NAV2: variants seen among roughly 807,000 people sequenced by gnomAD.
NAV2 encodes the protein neuron navigator 2, also known as helicase, APC down-regulated 1.
In NAV2, 54 loss-of-function variants were observed where a neutral mutation model predicts 223.2. The observed-to-expected ratio is 0.24, with a 90% CI of 0.19 to 0.30. The LOEUF is 0.30. Ranked by LOEUF, NAV2 falls within the 10% of genes least tolerant of loss-of-function variation. The pLI is 1.00. For synonymous variants in NAV2, 1,279 were observed against 1,239.3 expected (o/e 1.03, Z -0.67); for missense variants, 2,806 against 3,147.5 (o/e 0.89, Z 2.60).
At chr11:19,446,737 TG>T (rs1329980416) in intron 1 of NAV2, among the ~76,000 whole-genome samples, 2 of 152,144 alleles carry the variant, frequency 1.3e-5, no homozygotes, top group Non-Finnish European at 2.9e-5. Context: ...ACCTCAAATG[TG>T]GGAGCCAGAG....
intron 1 of NAV2, among the ~76,000 whole-genome samples, chr11:19,654,840 T>C (rs751407761): frequency 2.0e-5 from 3 of 152,214 alleles, no homozygotes; most frequent in Non-Finnish European, 4.4e-5. Context: ...GGCAAGGACT[T>C]CATCTCTAAA....
At chr11:19,706,827 T>G (rs1242276046) in intron 1 of NAV2, among the ~76,000 whole-genome samples, 1 of 152,218 alleles carries the variant, frequency 6.6e-6, no homozygotes, top group East Asian at 1.9e-4. Flanking sequence ...TTTAGTCTTT[T>G]TTGTTGTTGT....
chr11:19,718,303 A>G (rs577543347), intron 1 of NAV2, among the ~76,000 whole-genome samples: 5 of 152,362 alleles, frequency 3.3e-5, no homozygotes, highest in Admixed American at 1.3e-4. Flanking sequence ...TTGAGGAGAC[A>G]TTAGCCTATT....
chr11:19,401,550 A>G (rs1003308167), intron 1 of NAV2, among the ~76,000 whole-genome samples: 16 of 152,212 alleles, frequency 1.1e-4, no homozygotes, highest in African/African-American at 3.9e-4. Context: ...ATATGTCTGG[A>G]TCTTCAATGT....
At chr11:20,115,240 A>C (rs1455050479) in intron 37 of NAV2, among the ~76,000 whole-genome samples, 1 of 152,142 alleles carries the variant, frequency 6.6e-6, no homozygotes, top group Non-Finnish European at 1.5e-5. Flanking sequence ...CACAGAGGGG[A>C]GGAGGCCTGA....
At chr11:20,049,792 A>C (rs1477917618) in intron 15 of NAV2, 44 bp from the exon 16 acceptor site, 1 of 1,581,952 alleles carries the variant, frequency 6.3e-7, no homozygotes, top group East Asian at 2.2e-5. Context: ...CTTTCTTCCA[A>C]GCTAACGTTC....
chr11:19,713,326 C>G lies in NAV2; in HGVS notation c.-370C>G. On this transcript the variant is annotated 5_prime_UTR_variant, in exon 1 of 38. Coordinates refer to ENST00000349880, the MANE Select transcript of NAV2 (RefSeq NM_145117.5). This position sits in a 1 kb window ranked among gnomAD's most constrained non-coding sequence, Gnocchi z 7.2. ...AAGGGGCCTCCTCACTTCGGAGATG[C>G]AGTGACAAGTTAATATGGGCGTCCA... The G allele has an allele frequency of 9.3e-7, 1 of 1,077,164 alleles. No homozygotes were observed. The highest frequency in any genetic ancestry group is 1.1e-6 in the Non-Finnish European group (1 of 890,584). The allele number at this position is 1,077,164 out of a possible 1,614,324, so 66.7% of individuals were successfully genotyped here.
intron 22 of NAV2, among the ~76,000 whole-genome samples, chr11:20,071,792 T>G (rs745609619): frequency 6.6e-6 from 1 of 152,244 alleles, no homozygotes; most frequent in Non-Finnish European, 1.5e-5. Flanking sequence ...GGTGTTTTTT[T>G]CTTGTAAATT....
chr11:19,940,886 T>G (rs1031100), intron 8 of NAV2, among the ~76,000 whole-genome samples: 144,703 of 152,258 alleles, frequency 0.95, 69,250 homozygotes, highest in East Asian at 1. Context: ...AAGGTTTGTA[T>G]CTTTCTTTCA....
rs550058068 is a variant in NAV2, at chr11:20,014,132, A to C, written c.2769-21827A>C. 2.6e-5 allele frequency among the ~76,000 whole-genome samples: 4 copies of C among 152,222 alleles called. No homozygotes were observed. In the South Asian group the frequency reaches 8.3e-4, roughly 32 times the overall value. On this transcript the variant is annotated intron_variant, in intron 11 of 37. Coordinates refer to ENST00000349880, the MANE Select transcript of NAV2 (RefSeq NM_145117.5). Reference sequence around the variant, plus strand: ...AGTCGCAGTCTGCCTAGGGGCTGCCAATGATGAGCACCTACAAGTTTCCTC... The same window carrying C: ...AGTCGCAGTCTGCCTAGGGGCTGCCCATGATGAGCACCTACAAGTTTCCTC...
intron 1 of NAV2, among the ~76,000 whole-genome samples, chr11:19,644,941 T>C (rs574247462): frequency 4.5e-4 from 68 of 152,360 alleles, no homozygotes; most frequent in Non-Finnish European, 6.0e-4. Flanking sequence ...GAGCATTGTA[T>C]TGAAAATAAT....
intron 3 of NAV2, among the ~76,000 whole-genome samples, chr11:19,859,873 C>T (rs773268380): frequency 0.067 from 8,827 of 130,878 alleles, 210 homozygotes; most frequent in Admixed American, 0.11. Flanking sequence ...GGGGGGCTGA[C>T]CCCCCCACCT....
chr11:19,705,825 G>A (rs759437684), intron 1 of NAV2, among the ~76,000 whole-genome samples: 3 of 152,118 alleles, frequency 2.0e-5, no homozygotes, highest in Admixed American at 6.6e-5. Flanking sequence ...GTCCTCCTCA[G>A]TAGGCTCTTC....
At chr11:19,621,625 G>T (rs924723477) in intron 1 of NAV2, among the ~76,000 whole-genome samples, 1 of 151,902 alleles carries the variant, frequency 6.6e-6, no homozygotes, top group Non-Finnish European at 1.5e-5. Context: ...TTTTTATTGC[G>T]TCTATTTGAT....
intron 1 of NAV2, among the ~76,000 whole-genome samples, chr11:19,780,598 C>T (rs920930139): frequency 7.2e-5 from 11 of 152,252 alleles, no homozygotes; most frequent in African/African-American, 2.7e-4. Flanking sequence ...TGCCTTGTGA[C>T]ATGGGCCAGT....
At chr11:19,524,309 G>A (rs147822967) in intron 1 of NAV2, among the ~76,000 whole-genome samples, 8 of 152,332 alleles carry the variant, frequency 5.3e-5, no homozygotes. Context: ...TGTGTGTGAT[G>A]TCACTTGGCC....
chr11:19,840,408 T>C (rs1266306278), intron 2 of NAV2, among the ~76,000 whole-genome samples: 1 of 152,212 alleles, frequency 6.6e-6, no homozygotes, highest in Non-Finnish European at 1.5e-5. Flanking sequence ...ATAAAGAATC[T>C]TTAAAGTGTC....
intron 1 of NAV2, among the ~76,000 whole-genome samples, chr11:19,552,091 G>T (rs1749851030): frequency 6.6e-6 from 1 of 152,196 alleles, no homozygotes; most frequent in African/African-American, 2.4e-5. Context: ...GGCTGAGACT[G>T]GGGTGGCCTG....
Position 19,478,539 on chromosome 11 carries a change from C to A in NAV2, c.75+127512C>A, listed in dbSNP as rs140770423. On this transcript the variant is annotated intron_variant, in intron 1 of 37. Transcript: ENST00000360655. ...GAGGATATTAGCTAATTAATTAATT[C>A]ATCAAATATTGTAATCAGCCCATTA... is the stretch of plus-strand genomic sequence containing the variant. Among the ~76,000 whole-genome samples, 1,027 of 152,280 alleles carry A rather than the reference C, an allele frequency of 6.7e-3. 5 individuals carry two copies. The highest frequency in any genetic ancestry group is 0.01 in the Non-Finnish European group (706 of 68,016).
Sources: gnomAD v4.1 joint callset for allele counts (sites outside exome capture counted in the v4.1 genomes callset) on GRCh38, gnomAD v4.1.1 for gene constraint, Gnocchi (gnomAD v3.1) non-coding constraint, MANE v1.5 for transcripts, NCBI Gene and HGNC (gene_info 2026-07-23, HGNC 2026-07-21) for gene names.